RPS6KA5: variants seen among roughly 807,000 people sequenced by gnomAD.
RPS6KA5 encodes ribosomal protein S6 kinase alpha-5.
Under a neutral mutation model 85.5 loss-of-function variants are expected in RPS6KA5, and 27 were observed. The ratio of observed to expected loss-of-function variants is 0.32; its 90% CI spans 0.23 to 0.44. The LOEUF is 0.44. Ranked by LOEUF, RPS6KA5 falls within the 20% of genes least tolerant of loss-of-function variation. The pLI is 1.00. For synonymous variants in RPS6KA5, 334 were observed against 348.2 expected, an observed-to-expected ratio of 0.96 and a Z score of 0.46; for missense variants, 811 against 980.9, an observed-to-expected ratio of 0.83 and a Z score of 2.31.
At chr14:90,925,891 A>G (rs746320796) in intron 5 of RPS6KA5, among the ~76,000 whole-genome samples, 4 of 140,824 alleles carry the variant, frequency 2.8e-5, no homozygotes, top group Non-Finnish European at 4.6e-5. Flanking sequence ...GCAGTGAGCC[A>G]TGATCGCACC....
At chr14:90,917,079 T>C (rs1384928639) in intron 7 of RPS6KA5, among the ~76,000 whole-genome samples, 3 of 152,188 alleles carry the variant, frequency 2.0e-5, no homozygotes, top group Admixed American at 1.3e-4. Flanking sequence ...CCTTAGTACC[T>C]GTCACCATGA....
chr14:90,994,267 A>G (rs1273259107), intron 2 of RPS6KA5, among the ~76,000 whole-genome samples: 1 of 151,904 alleles, frequency 6.6e-6, no homozygotes, highest in Non-Finnish European at 1.5e-5. Context: ...CTTCCAATCC[A>G]CAATAATTTT....
At chr14:91,004,758 GA>G (rs1029518017) in intron 1 of RPS6KA5, among the ~76,000 whole-genome samples, 2 of 151,876 alleles carry the variant, frequency 1.3e-5, no homozygotes, top group Admixed American at 6.6e-5. Context: ...ACGAGGTCAG[GA>G]GATCGAGACC....
At chr14:91,028,580 G>A (rs905596130) in intron 1 of RPS6KA5, among the ~76,000 whole-genome samples, 1 of 150,716 alleles carries the variant, frequency 6.6e-6, no homozygotes, top group Non-Finnish European at 1.5e-5. Context: ...GTGCAGAGGT[G>A]TGATCTCAGC....
chr14:91,030,952 T>C (rs1216073772), intron 1 of RPS6KA5, among the ~76,000 whole-genome samples: 1 of 152,042 alleles, frequency 6.6e-6, no homozygotes, highest in Non-Finnish European at 1.5e-5. Flanking sequence ...AAGAGAATTT[T>C]AGAAAAAGTG....
chr14:91,005,811 T>C (rs1293658675), intron 1 of RPS6KA5, among the ~76,000 whole-genome samples: 1 of 152,130 alleles, frequency 6.6e-6, no homozygotes, highest in Non-Finnish European at 1.5e-5. Context: ...ACAAGACTTA[T>C]AATATTTACA....
rs61106740 is a variant in RPS6KA5 at position 90,956,964 on chromosome 14, G to GT, written c.395-9415dup. On this transcript the variant is annotated intron_variant, in intron 3 of 16. Transcript: ENST00000614987. ...TAGCCTTCCTACTTACTGTTTTTCT[G>GT]TTTTTTTTTTTTTTTTTTTTTCCCA... Among the ~76,000 whole-genome samples the GT allele has an allele frequency of 7.8e-3, 967 of 123,306 alleles. 7 individuals are homozygous for GT. The highest frequency in any genetic ancestry group is 0.017 in the Middle Eastern group (4 of 236). 80.9% of individuals were successfully genotyped at this position (123,306 alleles called of 152,430 possible). A position where few individuals can be genotyped will look rare whatever the true frequency, so the allele number is the denominator to read the frequency against.
chr14:90,958,391 G>A (rs1030471776), intron 3 of RPS6KA5, among the ~76,000 whole-genome samples: 7 of 151,980 alleles, frequency 4.6e-5, no homozygotes, highest in Non-Finnish European at 1.0e-4. Flanking sequence ...TCTTAGCAAC[G>A]CATTATAATC....
At chr14:91,004,868 T>A (rs1474396838) in intron 1 of RPS6KA5, among the ~76,000 whole-genome samples, 3 of 151,638 alleles carry the variant, frequency 2.0e-5, no homozygotes, top group Non-Finnish European at 2.9e-5. Flanking sequence ...CTCGGGAGGC[T>A]GAGGCAGGAG....
intron 1 of RPS6KA5, among the ~76,000 whole-genome samples, chr14:91,036,914 A>C (rs915822446): frequency 3.3e-5 from 5 of 152,176 alleles, no homozygotes; most frequent in Non-Finnish European, 7.4e-5. Flanking sequence ...TGGAGCAGAA[A>C]GGAAAAGATG....
intron 7 of RPS6KA5, among the ~76,000 whole-genome samples, chr14:90,912,229 T>C (rs529261103): frequency 6.8e-4 from 104 of 152,360 alleles, no homozygotes; most frequent in African/African-American, 2.5e-3. Flanking sequence ...TTACCCTCTA[T>C]TTCTCTTTCT....
chr14:91,030,882 T>G (rs979686306), intron 1 of RPS6KA5, among the ~76,000 whole-genome samples: 2 of 151,588 alleles, frequency 1.3e-5, no homozygotes, highest in African/African-American at 4.8e-5. Context: ...TGCAAGGAGA[T>G]AAACAACAGG....
intron 15 of RPS6KA5, among the ~76,000 whole-genome samples, chr14:90,874,151 A>G (rs1481969153): frequency 1.3e-5 from 2 of 152,224 alleles, no homozygotes; most frequent in Non-Finnish European, 1.5e-5. Flanking sequence ...GCCATCTTCT[A>G]TAGGTCAGGG....
chr14:90,958,793 G>GA (rs201928280), intron 3 of RPS6KA5, among the ~76,000 whole-genome samples: 8 of 149,830 alleles, frequency 5.3e-5, no homozygotes, highest in South Asian at 2.1e-4. Context: ...TTCCATTCAG[G>GA]AAAAAAAAAT....
intron 3 of RPS6KA5, among the ~76,000 whole-genome samples, chr14:90,974,113 C>T (rs1239248622): frequency 6.7e-6 from 1 of 148,782 alleles, no homozygotes; most frequent in Non-Finnish European, 1.5e-5. Context: ...AAAATATAAC[C>T]TTATGATGAA....
intron 1 of RPS6KA5, among the ~76,000 whole-genome samples, chr14:91,035,623 C>T (rs1321346223): frequency 6.6e-6 from 1 of 151,684 alleles, no homozygotes; most frequent in African/African-American, 2.4e-5. Flanking sequence ...AGAGGAAAAA[C>T]AGAAAGGATC....
chr14:91,024,176 A>T (rs2139808225), intron 1 of RPS6KA5, among the ~76,000 whole-genome samples: 1 of 152,282 alleles, frequency 6.6e-6, no homozygotes, highest in Non-Finnish European at 1.5e-5. Context: ...TTGTAAATAT[A>T]TTCATCATTT....
intron 1 of RPS6KA5, among the ~76,000 whole-genome samples, chr14:91,029,999 A>C (rs2042122199): frequency 6.6e-6 from 1 of 152,198 alleles, no homozygotes; most frequent in African/African-American, 2.4e-5. Context: ...CATTTGAAAG[A>C]AAGGTAAATG....
intron 2 of RPS6KA5, among the ~76,000 whole-genome samples, chr14:90,986,960 C>G (rs2040080404): frequency 1.3e-5 from 2 of 152,162 alleles, no homozygotes; most frequent in Admixed American, 6.5e-5. Context: ...AAATCCATGT[C>G]CCGGGATCTG....
Sources: gnomAD v4.1 joint callset for allele counts (sites outside exome capture counted in the v4.1 genomes callset) on GRCh38, gnomAD v4.1.1 for gene constraint, MANE v1.5 for transcripts, NCBI Gene and HGNC (gene_info 2026-07-23, HGNC 2026-07-21) for gene names.